The following RASAL2 variants were observed in gnomAD, a reference collection of about 807,000 sequenced individuals.
The protein encoded by RASAL2 is RAS protein activator like 2.
Under a neutral mutation model 128.9 loss-of-function variants are expected in RASAL2, and 58 were observed. The ratio of observed to expected loss-of-function variants is 0.45; its 90% CI spans 0.36 to 0.56. The LOEUF (loss-of-function observed/expected upper bound fraction) is 0.56. RASAL2 is among the 20% of genes least tolerant of loss of function. The pLI, the probability that RASAL2 is intolerant of heterozygous loss-of-function variation, is 0.00. For missense variants in RASAL2, 1,360 were observed against 1,601.6 expected, an observed-to-expected ratio of 0.85 and a Z score of 2.57; for synonymous variants, 561 against 580.8, an observed-to-expected ratio of 0.97 and a Z score of 0.49.
At chr1:178,141,594 C>T (rs748571891) in intron 1 of RASAL2, among the ~76,000 whole-genome samples, 5 of 145,774 alleles carry the variant, frequency 3.4e-5, no homozygotes, top group East Asian at 1.9e-4. Flanking sequence ...GGAGGTTGGC[C>T]GTCGACTGCT....
chr1:178,338,408 G>A (rs1669701638), intron 3 of RASAL2, among the ~76,000 whole-genome samples: 1 of 152,184 alleles, frequency 6.6e-6, no homozygotes, highest in Non-Finnish European at 1.5e-5. Flanking sequence ...GGGATTACAG[G>A]CGTGAGCCAC....
chr1:178,456,235 T>C (rs189382177), intron 12 of RASAL2, among the ~76,000 whole-genome samples: 10 of 152,290 alleles, frequency 6.6e-5, no homozygotes, highest in Non-Finnish European at 1.5e-4. Flanking sequence ...AGCACCTTCT[T>C]ATATGTTGGC....
chr1:178,399,477 C>T (rs765267459), intron 4 of RASAL2, among the ~76,000 whole-genome samples: 3 of 152,154 alleles, frequency 2.0e-5, no homozygotes, highest in Non-Finnish European at 4.4e-5. Flanking sequence ...AAGCATCAGC[C>T]TCCCAGCATG....
chr1:178,139,419 C>G (rs1357996623), intron 1 of RASAL2, among the ~76,000 whole-genome samples: 3 of 151,880 alleles, frequency 2.0e-5, no homozygotes, highest in Non-Finnish European at 4.4e-5. Flanking sequence ...TTTACTTACC[C>G]TTTTATTGAT....
At chr1:178,421,418 A>C (rs1309972674) in intron 5 of RASAL2, among the ~76,000 whole-genome samples, 1 of 152,170 alleles carries the variant, frequency 6.6e-6, no homozygotes, top group African/African-American at 2.4e-5. Context: ...GCATCAGCAC[A>C]TCATCACCAC....
intron 1 of RASAL2, among the ~76,000 whole-genome samples, chr1:178,100,331 C>T (rs576400955): frequency 9.5e-5 from 14 of 147,664 alleles, no homozygotes; most frequent in Admixed American, 8.9e-4. Context: ...GCCTGGCCAA[C>T]ATGGTGAAAC....
At chr1:178,116,977 A>G (rs537072055) in intron 1 of RASAL2, among the ~76,000 whole-genome samples, 1 of 152,340 alleles carries the variant, frequency 6.6e-6, no homozygotes, top group African/African-American at 2.4e-5. Context: ...ATAATGCCTA[A>G]CACTTTTATA....
At chr1:178,233,356 C>T (rs896888515) in intron 1 of RASAL2, among the ~76,000 whole-genome samples, 1 of 152,190 alleles carries the variant, frequency 6.6e-6, no homozygotes, top group South Asian at 2.1e-4. Flanking sequence ...TTGTCAGAAC[C>T]TGCTTATGCA....
intron 3 of RASAL2, among the ~76,000 whole-genome samples, chr1:178,339,681 CTATGT>C (rs1669769043): frequency 6.6e-6 from 1 of 152,162 alleles, no homozygotes; most frequent in Non-Finnish European, 1.5e-5. Flanking sequence ...CAAATAGTCA[CTATGT>C]TATAATTATT....
At chr1:178,203,050 T>A (rs1662927260) in intron 1 of RASAL2, among the ~76,000 whole-genome samples, 1 of 152,118 alleles carries the variant, frequency 6.6e-6, no homozygotes, top group Non-Finnish European at 1.5e-5. Flanking sequence ...TGGTGACAGG[T>A]CGATTATATT....
chr1:178,224,295 G>A (rs899191735), intron 1 of RASAL2, among the ~76,000 whole-genome samples: 1 of 150,886 alleles, frequency 6.6e-6, no homozygotes, highest in Admixed American at 6.6e-5. Flanking sequence ...GTTTAAAAAT[G>A]ATTTCTTATT....
At chr1:178,352,600 CTCT>C (rs1210423628) in intron 3 of RASAL2, among the ~76,000 whole-genome samples, 2 of 152,156 alleles carry the variant, frequency 1.3e-5, no homozygotes, top group South Asian at 4.2e-4. Context: ...GATGGTGGCC[CTCT>C]TCTTACAGCT....
intron 5 of RASAL2, 52 bp downstream of exon 5, chr1:178,420,672 G>A (rs540599894): frequency 1.5e-6 from 2 of 1,350,232 alleles, no homozygotes; most frequent in South Asian, 1.3e-5. Context: ...AGTGAATTTT[G>A]TTAAGGCATT....
chr1:178,384,461 A>C (rs1672444199), intron 3 of RASAL2, among the ~76,000 whole-genome samples: 1 of 152,178 alleles, frequency 6.6e-6, no homozygotes, highest in Non-Finnish European at 1.5e-5. Flanking sequence ...AGCAAAGATT[A>C]AGTAAGTTAG....
chr1:178,351,575 CA>C (rs1387106707), intron 3 of RASAL2, among the ~76,000 whole-genome samples: 1 of 151,886 alleles, frequency 6.6e-6, no homozygotes, highest in Non-Finnish European at 1.5e-5. Flanking sequence ...ACTAAAAATA[CA>C]AAAAATTAGC....
intron 1 of RASAL2, among the ~76,000 whole-genome samples, chr1:178,277,708 G>C (rs1666592354): frequency 6.6e-6 from 1 of 152,094 alleles, no homozygotes; most frequent in South Asian, 2.1e-4. Context: ...TTATCTGTTG[G>C]GAATATGTTT....
intron 3 of RASAL2, among the ~76,000 whole-genome samples, chr1:178,345,556 T>C (rs1670107252): frequency 6.6e-6 from 1 of 152,170 alleles, no homozygotes. Flanking sequence ...AAATGGGTAT[T>C]CTTTCCATTT....
chr1:178,339,991 C>T (rs1448609185), intron 3 of RASAL2, among the ~76,000 whole-genome samples: 2 of 152,060 alleles, frequency 1.3e-5, no homozygotes, highest in African/African-American at 4.8e-5. Flanking sequence ...CAGTCAGTTT[C>T]AATACTTAGC....
chr1:178,293,382 G>C (rs1368049858), intron 2 of RASAL2, among the ~76,000 whole-genome samples: 1 of 152,202 alleles, frequency 6.6e-6, no homozygotes, highest in Non-Finnish European at 1.5e-5. Flanking sequence ...TCAAAGTTAG[G>C]TGTTATAAAT....
Sources: allele counts gnomAD v4.1 joint callset (sites outside exome capture counted in the v4.1 genomes callset), GRCh38; gene constraint gnomAD v4.1.1; transcripts MANE v1.5; gene names NCBI Gene and HGNC (gene_info 2026-07-23, HGNC 2026-07-21).